Variants in FBXL17 observed in about 807,000 individuals in gnomAD.
FBXL17 encodes F-box and leucine rich repeat protein 17.
Under a neutral mutation model 66.2 loss-of-function variants are expected in FBXL17, and 22 were observed. That is an observed-to-expected ratio of 0.33 (90% CI 0.24 to 0.47). FBXL17 has a LOEUF of 0.47. FBXL17 is among the 20% of genes least tolerant of loss of function. FBXL17 has a pLI of 1.00. For synonymous variants in FBXL17, 474 were observed against 400.5 expected (o/e 1.18, Z -2.19); for missense variants, 878 against 948.2 (o/e 0.93, Z 0.97).
intron 7 of FBXL17, among the ~76,000 whole-genome samples, chr5:107,960,891 G>C (rs911148368): frequency 6.6e-6 from 1 of 152,178 alleles, no homozygotes; most frequent in Non-Finnish European, 1.5e-5. Flanking sequence ...CAAATCTATA[G>C]ACAAAGAAGG....
chr5:108,378,745 G>C (rs1037594648), intron 1 of FBXL17, among the ~76,000 whole-genome samples: 1 of 152,198 alleles, frequency 6.6e-6, no homozygotes, highest in South Asian at 2.1e-4. Flanking sequence ...ACATTCGTTC[G>C]TAAGTATTTA....
chr5:108,044,084 T>C (rs1179831379), intron 6 of FBXL17, among the ~76,000 whole-genome samples: 1 of 152,238 alleles, frequency 6.6e-6, no homozygotes, highest in African/African-American at 2.4e-5. Flanking sequence ...AATGTTTTTA[T>C]ACATTCCTTA....
At chr5:107,936,784 G>A (rs932012123) in intron 7 of FBXL17, among the ~76,000 whole-genome samples, 1 of 152,010 alleles carries the variant, frequency 6.6e-6, no homozygotes, top group African/African-American at 2.4e-5. Flanking sequence ...AATCCCATGT[G>A]TAAATATGAG....
chr5:108,365,089 T>G, intron 2 of FBXL17, 94 bp from the exon 3 acceptor site: 1 of 827,548 alleles, frequency 1.2e-6, no homozygotes, highest in Non-Finnish European at 1.9e-6. Flanking sequence ...AACAATATAC[T>G]AATTAGATTA....
At chr5:108,237,989 C>G (rs1755681897) in intron 4 of FBXL17, among the ~76,000 whole-genome samples, 1 of 152,214 alleles carries the variant, frequency 6.6e-6, no homozygotes, top group African/African-American at 2.4e-5. Context: ...CTCAACTCTT[C>G]AAAATCCATG....
chr5:108,103,758 CTTTTATT>C (rs879599022), intron 6 of FBXL17, among the ~76,000 whole-genome samples: 442 of 152,190 alleles, frequency 2.9e-3, no homozygotes, highest in Non-Finnish European at 3.9e-3. Flanking sequence ...GCCAGTAGGG[CTTTTATT>C]ATAGTTAAAA....
At chr5:108,374,474 C>T (rs1749284250) in intron 1 of FBXL17, among the ~76,000 whole-genome samples, 1 of 152,080 alleles carries the variant, frequency 6.6e-6, no homozygotes, top group Non-Finnish European at 1.5e-5. Context: ...GGGTTTAAGA[C>T]CAGCCTGGGC....
chr5:108,136,127 G>A (rs1751123786), intron 6 of FBXL17, among the ~76,000 whole-genome samples: 1 of 152,038 alleles, frequency 6.6e-6, no homozygotes, highest in African/African-American at 2.4e-5. Flanking sequence ...ATATAAGTAT[G>A]CTGTTTATAT....
intron 7 of FBXL17, among the ~76,000 whole-genome samples, chr5:107,890,855 G>A (rs1417171943): frequency 6.6e-6 from 1 of 152,046 alleles, no homozygotes; most frequent in Non-Finnish European, 1.5e-5. Context: ...GGGGATAATG[G>A]CAGAGTGAAT....
intron 6 of FBXL17, among the ~76,000 whole-genome samples, chr5:108,097,152 T>A (rs1749399238): frequency 6.6e-6 from 1 of 151,952 alleles, no homozygotes; most frequent in Non-Finnish European, 1.5e-5. Flanking sequence ...GCTGGTTTTA[T>A]AAACGGCAGT....
chr5:108,138,094 G>A (rs1466368470), intron 6 of FBXL17, among the ~76,000 whole-genome samples: 1 of 152,108 alleles, frequency 6.6e-6, no homozygotes, highest in Non-Finnish European at 1.5e-5. Context: ...AAATCAAAAG[G>A]ACAAGATTGT....
At chr5:108,063,584 T>A (rs533836713) in intron 6 of FBXL17, among the ~76,000 whole-genome samples, 1 of 152,288 alleles carries the variant, frequency 6.6e-6, no homozygotes, top group East Asian at 1.9e-4. Context: ...CTATTCTGAA[T>A]TCCTCAGATT....
chr5:108,053,766 T>C (rs956490711), intron 6 of FBXL17, among the ~76,000 whole-genome samples: 1 of 152,182 alleles, frequency 6.6e-6, no homozygotes, highest in Non-Finnish European at 1.5e-5. Context: ...AATGGGTATA[T>C]ACCCAAAGGA....
rs571343837 is a variant in FBXL17, at chr5:107,931,140, G to A, written c.1823-49961C>T. Among the ~76,000 whole-genome samples, 7 of 152,206 alleles carry A rather than the reference G, an allele frequency of 4.6e-5. No homozygotes were observed. The South Asian group carries it at 1.2e-3, about 27-fold the overall frequency. On this transcript the variant is annotated intron_variant, in intron 7 of 8. Coordinates refer to ENST00000542267, the MANE Select transcript of FBXL17 (RefSeq NM_001163315.3). ...ATGCTGCCAGTTGCACATCTGAACT[G>A]ACCAGTTTGTATGTACTGTTGGCCT...
In FBXL17 at chr5:108,052,090, G is replaced by A. The variant is rs1444520832; in HGVS notation, c.1746-31089C>T. Among the ~76,000 whole-genome samples, 5 of 119,328 alleles carry A rather than the reference G, an allele frequency of 4.2e-5. No individual in the cohort carries two copies. The Admixed American group carries it at 5.7e-4, about 14-fold the overall frequency. The allele number at this position is 119,328 out of a possible 152,430, so 78.3% of individuals were successfully genotyped here. On this transcript the variant is annotated intron_variant, in intron 6 of 8. Coordinates refer to ENST00000542267, the MANE Select transcript of FBXL17 (RefSeq NM_001163315.3). The stretch of plus-strand genomic sequence containing the variant: ...ATCGTGCCACTGCACTCCAGCCTAA[G>A]CAACAGAGTGAGACTTCGTCTCAAA...
chr5:108,060,955 C>T (rs2112843965), intron 6 of FBXL17, among the ~76,000 whole-genome samples: 1 of 152,206 alleles, frequency 6.6e-6, no homozygotes, highest in South Asian at 2.1e-4. Context: ...AACAACCAGA[C>T]ATCTTGCCAG....
At chr5:108,159,867 T>C (rs902155447) in intron 6 of FBXL17, among the ~76,000 whole-genome samples, 4 of 152,150 alleles carry the variant, frequency 2.6e-5, no homozygotes, top group African/African-American at 7.2e-5. Context: ...TACATGAAGA[T>C]ATAAAAGCAG....
chr5:108,364,431 T>C (rs1219343183), intron 3 of FBXL17, among the ~76,000 whole-genome samples: 1 of 152,018 alleles, frequency 6.6e-6, no homozygotes, highest in Non-Finnish European at 1.5e-5. Context: ...TAAAACCTCA[T>C]GCTGACCAAA....
At chr5:108,313,721 T>C (rs1189864730) in intron 4 of FBXL17, among the ~76,000 whole-genome samples, 2 of 151,996 alleles carry the variant, frequency 1.3e-5, no homozygotes, top group Non-Finnish European at 2.9e-5. Flanking sequence ...TTCAACAGCC[T>C]GAGTGACAAG....
Sources: allele counts gnomAD v4.1 joint callset (sites outside exome capture counted in the v4.1 genomes callset), GRCh38; gene constraint gnomAD v4.1.1; transcripts MANE v1.5; gene names NCBI Gene and HGNC (gene_info 2026-07-23, HGNC 2026-07-21).